The following DENND5A variants were observed in gnomAD, a reference collection of about 807,000 sequenced individuals.
DENND5A encodes DENN domain containing 5A, also known as DENN domain-containing protein 5A.
A neutral mutation model predicts 140.3 loss-of-function variants in DENND5A; 64 were observed. The observed-to-expected ratio is 0.46, with a 90% CI of 0.37 to 0.56. The LOEUF (loss-of-function observed/expected upper bound fraction) is 0.56, where lower values mean the gene tolerates loss of function less well. Ranked by LOEUF, DENND5A falls within the 20% of genes least tolerant of loss-of-function variation. DENND5A has a pLI of 0.00. For synonymous variants in DENND5A, 605 were observed against 607.7 expected (o/e 1.00, Z 0.07); for missense variants, 1,292 against 1,593.8 (o/e 0.81, Z 3.22).
At chr11:9,221,820 C>T (rs1038822381) in intron 1 of DENND5A, among the ~76,000 whole-genome samples, 3 of 152,008 alleles carry the variant, frequency 2.0e-5, no homozygotes, top group South Asian at 4.1e-4. Flanking sequence ...TACAGTGGTG[C>T]GATCTTGGCT....
At chr11:9,264,355 G>C (rs1462187358) in intron 1 of DENND5A, among the ~76,000 whole-genome samples, 1 of 151,976 alleles carries the variant, frequency 6.6e-6, no homozygotes, top group Non-Finnish European at 1.5e-5. Context: ...TTCAAAAAAG[G>C]CATGGCCCCG....
intron 20 of DENND5A, 60 bp downstream of exon 20, chr11:9,143,343 A>C: frequency 6.8e-7 from 1 of 1,478,588 alleles, no homozygotes; most frequent in Non-Finnish European, 9.5e-7. Flanking sequence ...TAATCGGAAA[A>C]ACAAAATTAT....
intron 1 of DENND5A, among the ~76,000 whole-genome samples, chr11:9,257,275 C>A (rs189273040): frequency 8.6e-5 from 13 of 151,466 alleles, no homozygotes; most frequent in African/African-American, 3.2e-4. Flanking sequence ...GGATTATAGG[C>A]GTGAGCAACC....
At chr11:9,242,771 A>G (rs1188960986) in intron 1 of DENND5A, 1 of 152,158 alleles carries the variant, frequency 6.6e-6, no homozygotes, top group East Asian at 1.9e-4. Context: ...ACTAGTGAGC[A>G]GGATGGTCAG....
chr11:9,190,033 G>A (rs1849061766), intron 5 of DENND5A, among the ~76,000 whole-genome samples: 1 of 152,192 alleles, frequency 6.6e-6, no homozygotes, highest in South Asian at 2.1e-4. Context: ...TGCCCCGCTG[G>A]ATTTCAGACT....
At chr11:9,143,370 T>C (rs1269256457) in intron 20 of DENND5A, 33 bp downstream of exon 20, 1 of 1,570,872 alleles carries the variant, frequency 6.4e-7, no homozygotes. Context: ...TTATTCAATG[T>C]AAGGCCCTGG....
rs564636930 is a variant in DENND5A, at chr11:9,143,958, T to C, written c.3304+139A>G. 1.1e-5 allele frequency: 11 copies of C among 963,724 alleles called. No individual in the cohort carries two copies. The South Asian group carries it at 1.8e-4, about 15-fold the overall frequency. 59.7% of individuals were successfully genotyped at this position (963,724 alleles called of 1,614,324 possible). ...TCATAAGAGAAGGGTGCCATATGTG[T>C]GAGGTGGCTTTGTTAGCAGAAGTGT... On this transcript the variant is annotated intron_variant, in intron 19 of 22. Transcript: ENST00000328194.
chr11:9,253,134 T>C (rs548171979), intron 1 of DENND5A, among the ~76,000 whole-genome samples: 1 of 152,206 alleles, frequency 6.6e-6, no homozygotes, highest in East Asian at 1.9e-4. Flanking sequence ...ATTACAGGCA[T>C]GAGCTACCAT....
intron 11 of DENND5A, among the ~76,000 whole-genome samples, chr11:9,164,992 C>A (rs1443518293): frequency 6.6e-6 from 1 of 152,088 alleles, no homozygotes; most frequent in Non-Finnish European, 1.5e-5. Context: ...AAAACTACAT[C>A]TCTCTGTTGT....
Position 9,160,722 on chromosome 11 carries a change from T to C in DENND5A, c.2427A>G (p.Gln809=), listed in dbSNP as rs2136139303. Residue 809 remains glutamine, a synonymous_variant, in exon 12 of 23, where the codon CAA becomes CAG. Transcript: ENST00000328194. ...LLERIWSHGL[Q]VKQGKSALWS... is the part of the protein sequence containing the mutation. ...GCAAGACATACATTACCTGTTTCAC[T>C]TGTAGTCCATGACTCCAGATCCTTT... 4 of 1,612,562 alleles carry C rather than the reference T, an allele frequency of 2.5e-6. No homozygotes were observed. The highest frequency in any genetic ancestry group is 4.5e-5 in the East Asian group (2 of 44,866).
intron 5 of DENND5A, among the ~76,000 whole-genome samples, chr11:9,182,714 C>G (rs148405099): frequency 6.6e-6 from 1 of 152,170 alleles, no homozygotes; most frequent in East Asian, 1.9e-4. Context: ...ATATGTTGAT[C>G]TCACTGAAGT....
chr11:9,220,531 G>C (rs1850268577), intron 1 of DENND5A, among the ~76,000 whole-genome samples: 2 of 151,736 alleles, frequency 1.3e-5, no homozygotes, highest in East Asian at 3.9e-4. Context: ...TAGGCAACAA[G>C]AGCGAAACTC....
At chr11:9,209,701 A>G (rs1849809764) in intron 1 of DENND5A, among the ~76,000 whole-genome samples, 1 of 152,210 alleles carries the variant, frequency 6.6e-6, no homozygotes. Flanking sequence ...TTCTCATTTC[A>G]GCCGCTCTAC....
intron 3 of DENND5A, among the ~76,000 whole-genome samples, chr11:9,206,185 T>C (rs1222938045): frequency 1.3e-5 from 2 of 152,248 alleles, no homozygotes; most frequent in Non-Finnish European, 1.5e-5. Context: ...AAAGGTTAGC[T>C]TACTCTAGTG....
chr11:9,207,186 T>C, intron 2 of DENND5A: 1 of 460,950 alleles, frequency 2.2e-6, no homozygotes, highest in Non-Finnish European at 4.0e-6. Flanking sequence ...AAATTCAGAA[T>C]AAACTATGCA....
At chr11:9,202,182 T>A (rs959059571) in intron 4 of DENND5A, among the ~76,000 whole-genome samples, 5 of 152,192 alleles carry the variant, frequency 3.3e-5, no homozygotes, top group Admixed American at 1.3e-4. Flanking sequence ...AAAATGTCTA[T>A]GTCATGAAAG....
rs1459726583 is a variant in DENND5A at position 9,265,024 on chromosome 11, C to A, written c.46G>T (p.Ala16Ser). Residue 16 changes from alanine (A) to serine (S), a missense_variant, in exon 1 of 23, where the codon GCC (alanine) becomes TCC (serine). This residue lies in a region of DENND5A where 566 missense variants were observed against 650.4 expected (regional missense o/e 0.87). Transcript: ENST00000328194. This position sits in a 1 kb window ranked among gnomAD's most constrained non-coding sequence, Gnocchi z 4.7. ...AGTCCGCAGATGACAAAGTAGTCGG[C>A]GAAGCGACTGGGCGCCGAGCCCCCT... is the stretch of plus-strand genomic sequence containing the variant. The part of the protein sequence containing the change: ...GGGGSAPSRF[A>S]DYFVICGLDT... 11 of 1,575,024 alleles carry A rather than the reference C, an allele frequency of 7.0e-6. No individual in the cohort carries two copies. Among genetic ancestry groups the A allele is most frequent in the South Asian group, 1.1e-5 (1 of 86,974 alleles).
At chr11:9,164,056 GTTTTTTTTTTTTTTTTTTT>G (rs768604681) in intron 11 of DENND5A, among the ~76,000 whole-genome samples, 1 of 57,958 alleles carries the variant, frequency 1.7e-5, no homozygotes, top group African/African-American at 6.4e-5. Flanking sequence ...TATTAATCAG[GTTTTTTTTTTTTTTTTTTT>G]TTTTTTTTTT....
At chr11:9,202,267 A>G (rs1849547094) in intron 4 of DENND5A, among the ~76,000 whole-genome samples, 1 of 152,224 alleles carries the variant, frequency 6.6e-6, no homozygotes, top group African/African-American at 2.4e-5. Context: ...ATTTTTTTAA[A>G]TTATCATAAC....
Sources: gnomAD v4.1 joint callset for allele counts (sites outside exome capture counted in the v4.1 genomes callset) on GRCh38, gnomAD v4.1.1 for gene constraint, gnomAD v4.1.1 regional missense constraint, Gnocchi (gnomAD v3.1) non-coding constraint, MANE v1.5 for transcripts, NCBI Gene and HGNC (gene_info 2026-07-23, HGNC 2026-07-21) for gene names.